Variants in MOB1A observed in about 807,000 individuals in gnomAD.
MOB1A encodes the protein MOB1 Mps One Binder homolog A.
A neutral mutation model predicts 25.1 loss-of-function variants in MOB1A; 10 were observed. The observed-to-expected ratio is 0.40, with a 90% confidence interval of 0.25 to 0.68. The LOEUF is 0.68. Ranked by LOEUF, MOB1A falls within the 30% of genes least tolerant of loss-of-function variation. MOB1A has a pLI of 0.40. For missense variants in MOB1A, 177 were observed against 256.3 expected (o/e 0.69, Z 2.11); for synonymous variants, 81 against 79.5 (o/e 1.02, Z -0.10).
At position 74,175,794 on chromosome 2, in the gene MOB1A, C is replaced by T. The variant is rs571185908; in HGVS notation, c.14+2867G>A. Among the ~76,000 whole-genome samples, 19 of 152,220 alleles carry T rather than the reference C, an allele frequency of 1.2e-4. No individual in the cohort carries two copies. The South Asian group carries it at 3.9e-3, about 32-fold the overall frequency. ...CTAATACATGGTTAAACATAATACA[C>T]AACCAAACGTACAGCAGGAGCCCAT... On this transcript the variant is annotated intron_variant, in intron 1 of 5. Transcript: ENST00000396049.
At chr2:74,169,848 C>T (rs140493271) in intron 2 of MOB1A, among the ~76,000 whole-genome samples, 2,354 of 152,116 alleles carry the variant, frequency 0.015, 54 homozygotes, top group African/African-American at 0.054. Flanking sequence ...AGGCTGGTCT[C>T]GAACTCCTGA....
chr2:74,162,701 C>A (rs980922985), intron 4 of MOB1A, among the ~76,000 whole-genome samples: 1 of 152,024 alleles, frequency 6.6e-6, no homozygotes, highest in Admixed American at 6.6e-5. Flanking sequence ...CAACAACAAA[C>A]AGACCAAATG....
At chr2:74,172,439 CA>C (rs1693319062) in intron 2 of MOB1A, 146 bp downstream of exon 2, 1 of 777,304 alleles carries the variant, frequency 1.3e-6, no homozygotes, top group Admixed American at 3.0e-5. Context: ...AAAAGAGCAA[CA>C]TAGCTTTGGA....
chr2:74,169,419 T>C (rs933875833), intron 2 of MOB1A, among the ~76,000 whole-genome samples: 4 of 152,086 alleles, frequency 2.6e-5, no homozygotes, highest in East Asian at 1.9e-4. Flanking sequence ...GGAGAACTGC[T>C]TGAAGCCAGG....
chr2:74,174,137 G>A (rs1308967241), intron 1 of MOB1A, among the ~76,000 whole-genome samples: 2 of 151,128 alleles, frequency 1.3e-5, no homozygotes, highest in Non-Finnish European at 2.9e-5. Flanking sequence ...TGGGCGTGGT[G>A]GCACACGCCT....
At chr2:74,176,086 ACACACACACAC>A (rs1693448928) in intron 1 of MOB1A, among the ~76,000 whole-genome samples, 13 of 69,650 alleles carry the variant, frequency 1.9e-4, no homozygotes, top group African/African-American at 5.4e-4. Flanking sequence ...CCTCTACTAC[ACACACACACAC>A]ACACACACAC....
intron 1 of MOB1A, among the ~76,000 whole-genome samples, chr2:74,175,022 G>A (rs1371504066): frequency 6.6e-6 from 1 of 152,194 alleles, no homozygotes; most frequent in Non-Finnish European, 1.5e-5. Context: ...AGAAGGAGAT[G>A]AGCAGTGAGC....
At chr2:74,158,680 G>A (rs1297425501) in intron 5 of MOB1A, among the ~76,000 whole-genome samples, 2 of 151,572 alleles carry the variant, frequency 1.3e-5, no homozygotes, top group Non-Finnish European at 1.5e-5. Flanking sequence ...TCGGGAGGCC[G>A]AGGCAGGAGA....
chr2:74,170,319 A>G (rs1362266817), intron 2 of MOB1A, among the ~76,000 whole-genome samples: 7 of 151,730 alleles, frequency 4.6e-5, no homozygotes, highest in African/African-American at 1.7e-4. Context: ...TTGTATTTTT[A>G]GTAGAGATGG....
At chr2:74,169,277 G>C (rs538491538) in intron 2 of MOB1A, among the ~76,000 whole-genome samples, 5 of 152,136 alleles carry the variant, frequency 3.3e-5, no homozygotes, top group African/African-American at 1.2e-4. Context: ...TGAGGCAGGC[G>C]GATCACTTGA....
At chr2:74,172,789 G>C (rs1693331874) in intron 1 of MOB1A, 37 bp from the exon 2 acceptor site, 1 of 1,584,968 alleles carries the variant, frequency 6.3e-7, no homozygotes. Flanking sequence ...GAATTTTTAA[G>C]ACTGGAAGTA....
intron 4 of MOB1A, 151 bp downstream of exon 4, chr2:74,165,067 C>T: frequency 6.3e-6 from 3 of 473,042 alleles, no homozygotes; most frequent in Non-Finnish European, 1.1e-5. Context: ...AACCTGTAAT[C>T]CCAGCACTGT....
chr2:74,172,824 AG>A, intron 1 of MOB1A, 72 bp from the exon 2 acceptor site: 2 of 1,438,096 alleles, frequency 1.4e-6, no homozygotes, highest in Non-Finnish European at 1.9e-6. Context: ...ACATAATTTT[AG>A]GTATATAAAG....
At chr2:74,164,272 A>G (rs1693062675) in intron 4 of MOB1A, 1 of 152,216 alleles carries the variant, frequency 6.6e-6, no homozygotes, top group Non-Finnish European at 1.5e-5. Context: ...TAATCCCAAC[A>G]CTTTGGGATG....
chr2:74,173,376 GTTTTTTT>G (rs35382378), intron 1 of MOB1A, among the ~76,000 whole-genome samples: 2 of 93,330 alleles, frequency 2.1e-5, no homozygotes, highest in East Asian at 3.1e-4. Flanking sequence ...CTCAATTTCG[GTTTTTTT>G]TTTTTTTTTT....
At chr2:74,166,601 G>A (rs1247047284) in intron 3 of MOB1A, among the ~76,000 whole-genome samples, 1 of 152,158 alleles carries the variant, frequency 6.6e-6, no homozygotes, top group African/African-American at 2.4e-5. Flanking sequence ...TTGCGAGGCC[G>A]AGGTGGGCAG....
At position 74,155,309 on chromosome 2, in the gene MOB1A, G is replaced by C. The variant is rs1014170530; in HGVS notation, c.*1259C>G. The C allele has an allele frequency of 1.3e-5, 2 of 152,628 alleles. No individual in the cohort carries two copies. Among genetic ancestry groups the C allele is most frequent in the Non-Finnish European group, 2.9e-5 (2 of 68,012 alleles). 9.5% of individuals were successfully genotyped at this position (152,628 alleles called of 1,614,324 possible). A position where few individuals can be genotyped will look rare whatever the true frequency, so the allele number is the denominator to read the frequency against. ...CCCAATAGAAATAGAGGAATTTCAA[G>C]TTTTGATACAAAAACAATTAAAACA... On this transcript the variant is annotated 3_prime_UTR_variant, in exon 6 of 6. Transcript: ENST00000396049.
At position 74,168,080 on chromosome 2, in the gene MOB1A, C is replaced by T. The variant is rs374714902; in HGVS notation, c.182-973G>A. ...CTTGAGCCCAGGAGGCTGAGGTTGC[C>T]GTGAGCTGTGATGGTGCTACTGCAC... On this transcript the variant is annotated intron_variant, in intron 2 of 5. Coordinates refer to ENST00000396049, the MANE Select transcript of MOB1A (RefSeq NM_018221.5). Among the ~76,000 whole-genome samples, 5 of 152,012 alleles carry T rather than the reference C, an allele frequency of 3.3e-5. No individual in the cohort carries two copies. The East Asian group carries it at 7.7e-4, about 23-fold the overall frequency.
chr2:74,167,090 G>C lies in MOB1A; in HGVS notation c.199C>G (p.Gln67Glu), dbSNP rs750460617. 6.2e-7 allele frequency: 1 copy of C among 1,613,454 alleles called. No individual in the cohort carries two copies. The highest frequency in any genetic ancestry group is 8.5e-7 in the Non-Finnish European group (1 of 1,179,510). The stretch of plus-strand genomic sequence containing the variant: ...ATAGTTCCATATAACATGTTGATCT[G>C]GTTAAAGAAATCCACAGCTGCAGAG... ...IAVNTVDFFNQINMLYGTITE... is the reference protein window; with the variant it reads ...IAVNTVDFFNEINMLYGTITE... Residue 67 changes from glutamine (Q) to glutamate (E), a missense_variant, in exon 3 of 6, where the codon CAG becomes GAG. Transcript: ENST00000396049.
Sources: gnomAD v4.1 joint callset for allele counts (sites outside exome capture counted in the v4.1 genomes callset) on GRCh38, gnomAD v4.1.1 for gene constraint, MANE v1.5 for transcripts, NCBI Gene and HGNC (gene_info 2026-07-23, HGNC 2026-07-21) for gene names.